Variants in KALRN observed in about 807,000 individuals in gnomAD.
The protein encoded by KALRN is kalirin.
Under a neutral mutation model 353.7 loss-of-function variants are expected in KALRN, and 70 were observed. The ratio of observed to expected loss-of-function variants is 0.20; its 90% confidence interval spans 0.16 to 0.24. The LOEUF (loss-of-function observed/expected upper bound fraction) is 0.24. KALRN is among the 10% of genes least tolerant of loss of function. The probability of loss-of-function intolerance (pLI) is 1.00; values close to 1 mark genes in which losing one functional copy is unlikely to be tolerated. For missense variants in KALRN, 2,791 were observed against 3,756.7 expected (o/e 0.74, Z 6.72); for synonymous variants, 1,391 against 1,434.8 (o/e 0.97, Z 0.69).
chr3:124,394,759 A>G (rs1027772863), intron 11 of KALRN, among the ~76,000 whole-genome samples: 2 of 152,234 alleles, frequency 1.3e-5, no homozygotes, highest in African/African-American at 4.8e-5. Context: ...TGCACAGAGT[A>G]CATTACTCCC....
Position 124,326,063 on chromosome 3 carries a change from G to A in KALRN, c.1176G>A (p.Lys392=), listed in dbSNP as rs2079875667. The change falls in exon 7 of 60, where the codon AAG becomes AAA. Residue 392 remains lysine, a synonymous_variant. Transcript: ENST00000682506. ...EAGHYASQQI[K]QISTQLDQEW... ...GTCATTATGCCTCACAACAAATCAAGCAGATCTCCACCCAGCTGGACCAGG... is the reference window on the plus strand; with the variant it reads ...GTCATTATGCCTCACAACAAATCAAACAGATCTCCACCCAGCTGGACCAGG... 2 of 1,613,734 alleles carry A rather than the reference G, an allele frequency of 1.2e-6. No individual in the cohort carries two copies. The highest frequency in any genetic ancestry group is 2.2e-5 in the South Asian group (2 of 90,964).
At chr3:124,465,953 A>G (rs2060291372) in intron 25 of KALRN, among the ~76,000 whole-genome samples, 1 of 152,148 alleles carries the variant, frequency 6.6e-6, no homozygotes. Context: ...TGGTGAATAC[A>G]TATCTTAACT....
intron 38 of KALRN, among the ~76,000 whole-genome samples, chr3:124,652,154 G>A (rs190576239): frequency 2.6e-5 from 4 of 152,300 alleles, no homozygotes; most frequent in Non-Finnish European, 5.9e-5. Context: ...GCAAAAATAA[G>A]TGAGGCCAGG....
At chr3:124,366,695 G>C (rs1242908428) in intron 10 of KALRN, among the ~76,000 whole-genome samples, 1 of 152,086 alleles carries the variant, frequency 6.6e-6, no homozygotes, top group Non-Finnish European at 1.5e-5. Flanking sequence ...TTGTCATCCT[G>C]GCCCGTTCTC....
chr3:124,491,448 A>C, intron 31 of KALRN, 24 bp downstream of exon 31: 1 of 1,527,306 alleles, frequency 6.5e-7, no homozygotes, highest in Non-Finnish European at 8.9e-7. Flanking sequence ...TCTGCTAGGC[A>C]CAAACTAGGG....
chr3:124,307,923 T>G (rs1018814165), intron 6 of KALRN, among the ~76,000 whole-genome samples: 2 of 151,976 alleles, frequency 1.3e-5, no homozygotes, highest in African/African-American at 2.4e-5. Flanking sequence ...AGGAGGCACA[T>G]TTTGGATTCA....
At chr3:124,309,768 A>T (rs1330711697) in intron 6 of KALRN, among the ~76,000 whole-genome samples, 1 of 152,160 alleles carries the variant, frequency 6.6e-6, no homozygotes, top group Non-Finnish European at 1.5e-5. Flanking sequence ...ACAAACTAGG[A>T]ATAGAAGATA....
intron 3 of KALRN, among the ~76,000 whole-genome samples, chr3:124,262,065 C>G (rs1216513095): frequency 6.6e-6 from 1 of 152,056 alleles, no homozygotes; most frequent in Non-Finnish European, 1.5e-5. Flanking sequence ...TTTAAAAATT[C>G]TATGACCAGT....
chr3:124,547,547 C>A (rs59428494), intron 33 of KALRN, among the ~76,000 whole-genome samples: 22,972 of 151,976 alleles, frequency 0.15, 1,892 homozygotes, highest in Middle Eastern at 0.24. Context: ...CTGAAGCAAT[C>A]CTCCTGCCTG....
chr3:124,639,192 T>C (rs640253), intron 37 of KALRN, among the ~76,000 whole-genome samples: 1,976 of 152,270 alleles, frequency 0.013, 45 homozygotes, highest in African/African-American at 0.045. Context: ...TTCTCCCTCT[T>C]ATGTTTGCTT....
Position 124,521,685 on chromosome 3 carries a change from C to T in KALRN, c.4935+25272C>T, listed in dbSNP as rs76655849. ...AAAGAGTATAGTGAACTAAATCCCT[C>T]AGGGTGGCACTTACCAAAGCTTGTT... On this transcript the variant is annotated intron_variant, in intron 33 of 59. Transcript: ENST00000682506. Among the ~76,000 whole-genome samples the T allele has an allele frequency of 3.9e-4, 59 of 152,170 alleles. 1 individual carries two copies. The East Asian group carries it at 0.01, about 26-fold the overall frequency.
chr3:124,618,086 C>CTTTTTTTTTTTTTTTTTTTTTTTTTT lies in KALRN; in HGVS notation c.5183-14319_5183-14294dup, dbSNP rs71145464. On this transcript the variant is annotated intron_variant, in intron 34 of 59. Coordinates refer to ENST00000682506, the MANE Select transcript of KALRN (RefSeq NM_001388419.1). The stretch of plus-strand genomic sequence containing the variant: ...GGAAAGAAAATACCAGTGCAGAAAT[C>CTTTTTTTTTTTTTTTTTTTTTTTTTT]TTTTTTTTTTTTTTTTTTTTTTTTT... 3.2e-5 allele frequency among the ~76,000 whole-genome samples: 2 copies of CTTTTTTTTTTTTTTTTTTTTTTTTTT among 63,336 alleles called. 1 individual carries two copies. The highest frequency in any genetic ancestry group is 5.5e-5 in the Non-Finnish European group (2 of 36,066). 41.6% of individuals were successfully genotyped at this position (63,336 alleles called of 152,430 possible).
rs115932613 is a variant in KALRN, at chr3:124,063,197, C to T, written c.73+29384C>T. On this transcript the variant is annotated intron_variant, in intron 1 of 59. Transcript: ENST00000682506. ...GTGGTCAATAGTCAAACACTATATG[C>T]CAGTCAGTCTGTCTCCAGAAGGACT... is the stretch of plus-strand genomic sequence containing the variant. Among the ~76,000 whole-genome samples, 411 of 152,284 alleles carry T rather than the reference C, an allele frequency of 2.7e-3. 1 individual carries two copies. The highest frequency in any genetic ancestry group is 8.4e-3 in the African/African-American group (351 of 41,564).
At chr3:124,264,290 A>T (rs966288400) in intron 3 of KALRN, among the ~76,000 whole-genome samples, 1 of 152,240 alleles carries the variant, frequency 6.6e-6, no homozygotes, top group Admixed American at 6.5e-5. Flanking sequence ...GGGAGAAGGC[A>T]GAATGCCAGG....
rs144119440 is a variant in KALRN at position 124,093,232 on chromosome 3, A to C, written c.73+59419A>C. Among the ~76,000 whole-genome samples, 247 of 152,268 alleles carry C rather than the reference A, an allele frequency of 1.6e-3. 1 individual carries two copies. Among genetic ancestry groups the C allele is most frequent in the Non-Finnish European group, 2.4e-3 (161 of 68,026 alleles). ...CACCCTCTCTCATCTTGGAGGTATA[A>C]GTTCCAAGGAAGAGCTGGTGCTGAG... On this transcript the variant is annotated intron_variant, in intron 1 of 59. Coordinates refer to ENST00000682506, the MANE Select transcript of KALRN (RefSeq NM_001388419.1).
intron 1 of KALRN, among the ~76,000 whole-genome samples, chr3:124,123,564 C>T (rs1159210159): frequency 6.6e-6 from 1 of 152,162 alleles, no homozygotes; most frequent in Non-Finnish European, 1.5e-5. Context: ...GATGAAGCAG[C>T]AAGTGCTGAT....
chr3:124,508,043 T>C (rs534972922), intron 33 of KALRN, among the ~76,000 whole-genome samples: 1 of 152,330 alleles, frequency 6.6e-6, no homozygotes, highest in Admixed American at 6.5e-5. Flanking sequence ...CTGAAAGTTA[T>C]GGGTCAATCT....
Position 124,148,450 on chromosome 3 carries a change from A to G in KALRN, c.74-79540A>G, listed in dbSNP as rs916615162. The stretch of plus-strand genomic sequence containing the variant: ...GGAAGATCATAGGCAGCCAGGTATG[A>G]AACCCCTTCTCTTAGTGTTTCTGTG... On this transcript the variant is annotated intron_variant, in intron 1 of 59. Coordinates refer to ENST00000682506, the MANE Select transcript of KALRN (RefSeq NM_001388419.1). Among the ~76,000 whole-genome samples the G allele has an allele frequency of 5.3e-5, 8 of 152,336 alleles. No homozygotes were observed. In the East Asian group the frequency reaches 1.5e-3, roughly 29 times the overall value.
intron 6 of KALRN, among the ~76,000 whole-genome samples, chr3:124,313,675 C>G (rs1175902509): frequency 6.6e-6 from 1 of 152,166 alleles, no homozygotes; most frequent in Non-Finnish European, 1.5e-5. Flanking sequence ...ACCTGGGAAG[C>G]TTTTTAAAAA....
Sources: allele counts gnomAD v4.1 joint callset (sites outside exome capture counted in the v4.1 genomes callset), GRCh38; gene constraint gnomAD v4.1.1; transcripts MANE v1.5; gene names NCBI Gene and HGNC (gene_info 2026-07-23, HGNC 2026-07-21).